The following KIAA1217 variants were observed in gnomAD, a reference collection of about 807,000 sequenced individuals.
The protein encoded by KIAA1217 is KIAA1217, also known as sickle tail protein homolog.
In KIAA1217, 88 loss-of-function variants were observed where a neutral mutation model predicts 163.9. The ratio of observed to expected loss-of-function variants is 0.54; its 90% CI spans 0.45 to 0.64. The LOEUF is 0.64. Among genes scored for constraint, KIAA1217 ranks in the 30% least tolerant of loss-of-function variants. The pLI is 0.00. For synonymous variants in KIAA1217, 903 were observed against 923.1 expected, an observed-to-expected ratio of 0.98 and a Z score of 0.39; for missense variants, 2,372 against 2,475.0, an observed-to-expected ratio of 0.96 and a Z score of 0.88.
chr10:23,714,292 C>T (rs144594123), intron 1 of KIAA1217, among the ~76,000 whole-genome samples: 2 of 149,160 alleles, frequency 1.3e-5, no homozygotes, highest in Non-Finnish European at 2.9e-5. Context: ...AGAAATCAAA[C>T]CCTAAGAGGA....
intron 1 of KIAA1217, among the ~76,000 whole-genome samples, chr10:23,909,532 T>TA (rs57859697): frequency 6.6e-6 from 1 of 151,654 alleles, no homozygotes; most frequent in African/African-American, 2.4e-5. Flanking sequence ...GTTGAAATTA[T>TA]AAAAAAAAGA....
At chr10:24,254,414 G>T (rs112519608) in intron 2 of KIAA1217, among the ~76,000 whole-genome samples, 4 of 152,340 alleles carry the variant, frequency 2.6e-5, no homozygotes, top group African/African-American at 9.6e-5. Flanking sequence ...GACTCACAGT[G>T]ACTCTTATCC....
chr10:24,027,268 C>A lies in KIAA1217; in HGVS notation c.-171+19894C>A, dbSNP rs182839585. Among the ~76,000 whole-genome samples, 6 of 152,206 alleles carry A rather than the reference C, an allele frequency of 3.9e-5. No homozygotes were observed. The East Asian group carries it at 1.2e-3, about 29-fold the overall frequency. On this transcript the variant is annotated intron_variant, in intron 2 of 18. Transcript: ENST00000376462. The stretch of plus-strand genomic sequence containing the variant: ...CTCCCTGCACTATGACCTGGAAACT[C>A]TTCAGATGGTGACCTGGGGCATTCA...
intron 2 of KIAA1217, among the ~76,000 whole-genome samples, chr10:24,239,495 CTTTTT>C (rs34650424): frequency 1.2e-4 from 16 of 134,744 alleles, no homozygotes; most frequent in Non-Finnish European, 2.1e-4. Context: ...TTTTTAAGGG[CTTTTT>C]TTTTTTTTTT....
intron 2 of KIAA1217, among the ~76,000 whole-genome samples, chr10:24,094,133 C>A (rs1331085869): frequency 6.6e-6 from 1 of 152,054 alleles, no homozygotes; most frequent in Admixed American, 6.6e-5. Flanking sequence ...GTCTTTATAG[C>A]AGCATGATTT....
intron 2 of KIAA1217, among the ~76,000 whole-genome samples, chr10:24,236,352 G>C (rs1178318370): frequency 6.6e-6 from 1 of 152,076 alleles, no homozygotes; most frequent in East Asian, 1.9e-4. Context: ...CCAGATTCAA[G>C]CAATTGTCCT....
intron 2 of KIAA1217, among the ~76,000 whole-genome samples, chr10:24,013,991 A>G (rs1413963912): frequency 6.6e-6 from 1 of 152,178 alleles, no homozygotes; most frequent in African/African-American, 2.4e-5. Flanking sequence ...CCACCAAAGT[A>G]TGGAACAGGA....
At chr10:24,384,454 C>T (rs556423377) in intron 3 of KIAA1217, among the ~76,000 whole-genome samples, 4 of 152,188 alleles carry the variant, frequency 2.6e-5, no homozygotes, top group Middle Eastern at 3.4e-3. Flanking sequence ...GAAATGAGAC[C>T]GACACATTGA....
At chr10:23,727,569 T>TA (rs956958019) in intron 1 of KIAA1217, among the ~76,000 whole-genome samples, 3 of 152,134 alleles carry the variant, frequency 2.0e-5, no homozygotes, top group African/African-American at 4.8e-5. Flanking sequence ...CAAAAAAATT[T>TA]AAAAAAAAGT....
At chr10:24,513,100 A>C (rs1374138023) in intron 9 of KIAA1217, among the ~76,000 whole-genome samples, 159 bp from the exon 10 acceptor site, 1 of 152,234 alleles carries the variant, frequency 6.6e-6, no homozygotes, top group Non-Finnish European at 1.5e-5. Context: ...AAGAAGCCAC[A>C]TTATGTACAG....
intron 1 of KIAA1217, among the ~76,000 whole-genome samples, chr10:23,911,392 C>A (rs1417361321): frequency 6.6e-6 from 1 of 152,190 alleles, no homozygotes; most frequent in Non-Finnish European, 1.5e-5. Context: ...GAAATGTTTT[C>A]ATCATTGACA....
intron 1 of KIAA1217, among the ~76,000 whole-genome samples, chr10:23,963,531 T>G (rs1844912095): frequency 6.6e-6 from 1 of 152,214 alleles, no homozygotes; most frequent in Non-Finnish European, 1.5e-5. Flanking sequence ...GACATGTGGG[T>G]TGGTTCCAAG....
At chr10:24,442,616 T>A (rs1235152624) in intron 5 of KIAA1217, among the ~76,000 whole-genome samples, 2 of 152,196 alleles carry the variant, frequency 1.3e-5, no homozygotes, top group African/African-American at 4.8e-5. Flanking sequence ...CTTGATTACC[T>A]TTTGAAGAAT....
At chr10:24,032,098 T>A in intron 2 of KIAA1217, among the ~76,000 whole-genome samples, 1 of 152,186 alleles carries the variant, frequency 6.6e-6, no homozygotes, top group East Asian at 1.9e-4. Flanking sequence ...TATTTGGCTT[T>A]CAGTAACCAG....
At chr10:24,000,885 A>G (rs541066249) in intron 1 of KIAA1217, among the ~76,000 whole-genome samples, 1 of 152,368 alleles carries the variant, frequency 6.6e-6, no homozygotes, top group African/African-American at 2.4e-5. Flanking sequence ...AGTGAGAGGC[A>G]GGAAAAAGAA....
intron 1 of KIAA1217, among the ~76,000 whole-genome samples, chr10:23,790,311 A>G (rs1051065941): frequency 2.0e-4 from 21 of 106,620 alleles, no homozygotes; most frequent in Middle Eastern, 5.7e-3. Flanking sequence ...ATATGCATAT[A>G]TACATATGCA....
At chr10:23,904,911 G>T (rs893496370) in intron 1 of KIAA1217, among the ~76,000 whole-genome samples, 4 of 151,098 alleles carry the variant, frequency 2.6e-5, no homozygotes, top group Non-Finnish European at 4.4e-5. Flanking sequence ...CACCCAGTTG[G>T]TAAGAAATGT....
chr10:23,855,002 T>C (rs894439531), intron 1 of KIAA1217, among the ~76,000 whole-genome samples: 1 of 152,214 alleles, frequency 6.6e-6, no homozygotes, highest in African/African-American at 2.4e-5. Flanking sequence ...TTGGAGCATT[T>C]AGTCCATTTA....
At chr10:24,139,236 A>AAT (rs1164749495) in intron 2 of KIAA1217, among the ~76,000 whole-genome samples, 2 of 152,076 alleles carry the variant, frequency 1.3e-5, no homozygotes, top group African/African-American at 4.8e-5. Context: ...TCCCATTTTT[A>AAT]ATATATATAT....
Sources: allele counts gnomAD v4.1 joint callset (sites outside exome capture counted in the v4.1 genomes callset), GRCh38; gene constraint gnomAD v4.1.1; transcripts MANE v1.5; gene names NCBI Gene and HGNC (gene_info 2026-07-23, HGNC 2026-07-21).